Variants in STYK1 observed in about 807,000 individuals in gnomAD.
STYK1 encodes STY kinase 1, also known as tyrosine-protein kinase STYK1.
In STYK1, 46 loss-of-function variants were observed where a neutral mutation model predicts 48.1. That is an observed-to-expected ratio of 0.96 (90% CI 0.75 to 1.22). The LOEUF (loss-of-function observed/expected upper bound fraction) is 1.22. Among genes scored for constraint, STYK1 ranks in the 50% most tolerant of loss-of-function variants. STYK1 has a pLI of 0.00. For synonymous variants in STYK1, 188 were observed against 189.0 expected, an observed-to-expected ratio of 0.99 and a Z score of 0.04; for missense variants, 527 against 521.1, an observed-to-expected ratio of 1.01 and a Z score of -0.11.
intron 9 of STYK1, among the ~76,000 whole-genome samples, chr12:10,622,425 G>GT (rs1865922391): frequency 6.6e-6 from 1 of 152,142 alleles, no homozygotes; most frequent in Non-Finnish European, 1.5e-5. Context: ...CAAAAGAAAG[G>GT]TAAAAAAGGA....
Position 10,649,184 on chromosome 12 carries a change from G to A in STYK1, c.-194-11988C>T, listed in dbSNP as rs535172126. The stretch of plus-strand genomic sequence containing the variant: ...CATGGACTTGAAGGAGGAGAAATAG[G>A]TGGAGATGTAAATAAAAAAAAATCA... On this transcript the variant is annotated intron_variant, in intron 1 of 10. Coordinates refer to ENST00000075503, the MANE Select transcript of STYK1 (RefSeq NM_018423.3). Among the ~76,000 whole-genome samples the A allele has an allele frequency of 2.6e-5, 4 of 152,104 alleles. No individual in the cohort carries two copies. In the South Asian group the frequency reaches 8.3e-4, roughly 31 times the overall value.
chr12:10,650,873 C>T (rs1240893658), intron 1 of STYK1, among the ~76,000 whole-genome samples: 2 of 151,936 alleles, frequency 1.3e-5, no homozygotes, highest in Non-Finnish European at 2.9e-5. Context: ...GGCGTGGTGG[C>T]ACACACCTGT....
At chr12:10,624,178 T>C (rs549579413) in intron 8 of STYK1, among the ~76,000 whole-genome samples, 8 of 151,816 alleles carry the variant, frequency 5.3e-5, no homozygotes, top group African/African-American at 1.9e-4. Flanking sequence ...CCCAGCACTT[T>C]GGGAGGCGAA....
At chr12:10,620,397 G>A (rs775543321) in intron 10 of STYK1, 49 bp from the exon 11 acceptor site, 1 of 1,562,720 alleles carries the variant, frequency 6.4e-7, no homozygotes. Context: ...GCAAATGTAT[G>A]GGGAGCATGT....
intron 6 of STYK1, 75 bp downstream of exon 6, chr12:10,629,418 A>C: frequency 6.8e-7 from 1 of 1,470,918 alleles, no homozygotes; most frequent in South Asian, 1.2e-5. Context: ...GTCATTTGTC[A>C]CACTAACTGA....
chr12:10,636,265 TGGGTTTAATA>T (rs1565564239), intron 2 of STYK1, among the ~76,000 whole-genome samples: 1 of 152,202 alleles, frequency 6.6e-6, no homozygotes, highest in African/African-American at 2.4e-5. Flanking sequence ...AACTTGTATA[TGGGTTTAATA>T]GTTAAACAAT....
rs755336269 is a variant in STYK1 at position 10,624,890 on chromosome 12, G to A, written c.718-31C>T. ...AAGATAAAATCAAATATGATCAGCT[G>A]TCTGAGATCACAGCTTGGGTCACAG... On this transcript the variant is annotated intron_variant, in intron 7 of 10. Transcript: ENST00000075503. The A allele has an allele frequency of 2.7e-5, 43 of 1,599,130 alleles. No individual in the cohort carries two copies. The Admixed American group carries it at 6.8e-4, about 25-fold the overall frequency.
At chr12:10,625,159 C>T (rs774123716) in intron 7 of STYK1, among the ~76,000 whole-genome samples, 1 of 152,152 alleles carries the variant, frequency 6.6e-6, no homozygotes, top group East Asian at 1.9e-4. Context: ...TGAGAAAGGA[C>T]CCAGCTAGAC....
chr12:10,630,738 T>C (rs11053889), intron 5 of STYK1, among the ~76,000 whole-genome samples: 5,651 of 152,102 alleles, frequency 0.037, 172 homozygotes, highest in Admixed American at 0.086. Context: ...AGAAGGAATG[T>C]ACCTCAACAC....
intron 1 of STYK1, among the ~76,000 whole-genome samples, chr12:10,671,194 C>G (rs1463789908): frequency 1.3e-5 from 2 of 151,890 alleles, no homozygotes; most frequent in Non-Finnish European, 2.9e-5. Context: ...TGGGGTTTCA[C>G]TTTGTTAGCC....
rs752361070 is a variant in STYK1 at position 10,629,642 on chromosome 12, A to G, written c.484T>C (p.Leu162=). The G allele has an allele frequency of 6.2e-7, 1 of 1,614,226 alleles. No homozygotes were observed. The highest frequency in any genetic ancestry group is 1.1e-5 in the South Asian group (1 of 91,082). Residue 162 remains leucine, a synonymous_variant, in exon 6 of 11, where the codon TTA becomes CTA. Transcript: ENST00000075503. ...PAGLHEVQDF[L]GRIQFHQYLG... ...TATTGATGGAATTGGATTCGCCCTA[A>G]GAAATCTTGTACCTCATGGAGCCCA...
chr12:10,649,473 T>G (rs929866269), intron 1 of STYK1, among the ~76,000 whole-genome samples: 5 of 152,196 alleles, frequency 3.3e-5, no homozygotes, highest in Admixed American at 1.3e-4. Flanking sequence ...AAAGGCACAT[T>G]TTAATGAGGT....
At chr12:10,625,706 C>A (rs923617420) in intron 7 of STYK1, among the ~76,000 whole-genome samples, 2 of 152,036 alleles carry the variant, frequency 1.3e-5, no homozygotes. Flanking sequence ...GCAGTAGTGA[C>A]CAGAACCAGG....
chr12:10,670,806 A>G (rs1019969504), intron 1 of STYK1, among the ~76,000 whole-genome samples: 3 of 150,592 alleles, frequency 2.0e-5, no homozygotes, highest in African/African-American at 7.3e-5. Flanking sequence ...CAATATATAC[A>G]TATTTCAAAA....
At chr12:10,648,580 C>T (rs1285489838) in intron 1 of STYK1, among the ~76,000 whole-genome samples, 3 of 151,870 alleles carry the variant, frequency 2.0e-5, no homozygotes, top group Non-Finnish European at 2.9e-5. Flanking sequence ...AAACAAGATA[C>T]ATTTTTTGCC....
chr12:10,656,514 ACT>A (rs1947720186), intron 1 of STYK1, among the ~76,000 whole-genome samples: 4 of 152,106 alleles, frequency 2.6e-5, no homozygotes, highest in Non-Finnish European at 5.9e-5. Flanking sequence ...AGTCCCAGCT[ACT>A]TGGGAGGCTG....
chr12:10,664,595 G>A (rs1000049330), intron 1 of STYK1, among the ~76,000 whole-genome samples: 6 of 152,158 alleles, frequency 3.9e-5, no homozygotes, highest in South Asian at 2.1e-4. Context: ...ATGTCTTGCT[G>A]ATACTGCCAA....
At chr12:10,628,533 G>GC (rs1947385801) in intron 6 of STYK1, among the ~76,000 whole-genome samples, 2 of 152,188 alleles carry the variant, frequency 1.3e-5, no homozygotes, top group Admixed American at 1.3e-4. Context: ...CTAAATACTT[G>GC]CAATCGTCCT....
Position 10,627,686 on chromosome 12 carries a change from T to A in STYK1, c.672A>T (p.Thr224=), listed in dbSNP as rs776791650. 6.2e-7 allele frequency: 1 copy of A among 1,613,850 alleles called. No homozygotes were observed. The highest frequency in any genetic ancestry group is 8.5e-7 in the Non-Finnish European group (1 of 1,179,910). Residue 224 remains threonine, a synonymous_variant, in exon 7 of 11, where the codon ACA becomes ACT. Coordinates refer to ENST00000075503, the MANE Select transcript of STYK1 (RefSeq NM_018423.3). ...MTMDGLLYDL[T]EKQVYHIGKQ... ...TTCCGATGTGATATACTTGTTTTTC[T>A]GTGAGATCATAGAGAAGACCATCCA...
Sources: allele counts gnomAD v4.1 joint callset (sites outside exome capture counted in the v4.1 genomes callset), GRCh38; gene constraint gnomAD v4.1.1; transcripts MANE v1.5; gene names NCBI Gene and HGNC (gene_info 2026-07-23, HGNC 2026-07-21).